ADK: variants seen among roughly 807,000 people sequenced by gnomAD.
ADK encodes the protein N6,N6-dimethyladenosine kinase.
Under a neutral mutation model 44.7 loss-of-function variants are expected in ADK, and 24 were observed. The ratio of observed to expected loss-of-function variants is 0.54; its 90% confidence interval spans 0.39 to 0.76. The LOEUF (loss-of-function observed/expected upper bound fraction) is 0.76. ADK is among the 30% of genes least tolerant of loss of function. The pLI is 0.00. For synonymous variants in ADK, 128 were observed against 142.6 expected, an observed-to-expected ratio of 0.90 and a Z score of 0.73; for missense variants, 321 against 425.1, an observed-to-expected ratio of 0.76 and a Z score of 2.15.
intron 1 of ADK, among the ~76,000 whole-genome samples, chr10:74,175,374 CAA>C (rs1224759058): frequency 2.9e-4 from 25 of 87,064 alleles, no homozygotes; most frequent in Admixed American, 4.7e-4. Context: ...GACTCCAGCT[CAA>C]AAAAAAAAAA....
intron 10 of ADK, among the ~76,000 whole-genome samples, chr10:74,696,888 G>T (rs1311236709): frequency 6.6e-6 from 1 of 152,062 alleles, no homozygotes; most frequent in Admixed American, 6.6e-5. Context: ...ATGGCTTCAG[G>T]CTTTATATAT....
rs1020974673 is a variant in ADK, at chr10:74,472,345, CT to C, written c.556-52903del. ...TGGGTTGAGGTGATTTCCTCTGTGC[CT>C]TTTTTTTATTTAATTATAAAAAGAT... On this transcript the variant is annotated intron_variant, in intron 6 of 10. Transcript: ENST00000539909. 5.4e-4 allele frequency among the ~76,000 whole-genome samples: 82 copies of C among 151,672 alleles called. 2 individuals carry two copies. Among genetic ancestry groups the C allele is most frequent in the Non-Finnish European group, 2.2e-4 (15 of 67,894 alleles).
At chr10:74,210,923 C>T (rs1843789327) in intron 2 of ADK, among the ~76,000 whole-genome samples, 1 of 152,006 alleles carries the variant, frequency 6.6e-6, no homozygotes, top group Non-Finnish European at 1.5e-5. Context: ...GTTTCACTGT[C>T]GCTCAGGCTG....
intron 3 of ADK, among the ~76,000 whole-genome samples, chr10:74,273,933 T>C (rs1846550066): frequency 6.6e-6 from 1 of 152,216 alleles, no homozygotes; most frequent in African/African-American, 2.4e-5. Context: ...GCATTTTTCT[T>C]AGGAGGTCTG....
rs200327115 is a variant in ADK, at chr10:74,358,943, G to GT, written c.274-35191dup. 5.4e-3 allele frequency among the ~76,000 whole-genome samples: 824 copies of GT among 152,024 alleles called. 13 individuals carry two copies. The highest frequency in any genetic ancestry group is 0.024 in the East Asian group (122 of 5,168). ...TAAGTTACAGTGACTAAAATCATAGGTTTTTTTAAGAGATTGGGGAGTCTC... is the reference window on the plus strand; with the variant it reads ...TAAGTTACAGTGACTAAAATCATAGGTTTTTTTTAAGAGATTGGGGAGTCTC... On this transcript the variant is annotated intron_variant, in intron 4 of 10. Transcript: ENST00000539909.
intron 9 of ADK, among the ~76,000 whole-genome samples, chr10:74,623,480 C>T (rs896017140): frequency 6.6e-5 from 10 of 152,028 alleles, no homozygotes; most frequent in South Asian, 2.1e-4. Context: ...TGATCTAGTC[C>T]GTACTTGCTT....
At chr10:74,558,266 T>C (rs746205986) in intron 7 of ADK, among the ~76,000 whole-genome samples, 23 of 152,194 alleles carry the variant, frequency 1.5e-4, no homozygotes, top group African/African-American at 2.7e-4. Context: ...GGCACGTTCA[T>C]AGCTCACTGC....
At chr10:74,509,198 T>C (rs1848200737) in intron 6 of ADK, among the ~76,000 whole-genome samples, 1 of 147,098 alleles carries the variant, frequency 6.8e-6, no homozygotes, top group South Asian at 2.1e-4. Flanking sequence ...ACATTATGAT[T>C]TTTTTTTTTT....
At chr10:74,587,300 A>G (rs1851562223) in intron 7 of ADK, among the ~76,000 whole-genome samples, 1 of 152,224 alleles carries the variant, frequency 6.6e-6, no homozygotes, top group Non-Finnish European at 1.5e-5. Flanking sequence ...CAAATTGACC[A>G]GTTGTCAAGA....
chr10:74,302,089 T>TG (rs11427369), intron 3 of ADK, among the ~76,000 whole-genome samples: 985 of 53,834 alleles, frequency 0.018, 121 homozygotes, highest in African/African-American at 0.074. Flanking sequence ...TTTTCTTTTC[T>TG]GTTTTTTTTT....
intron 7 of ADK, among the ~76,000 whole-genome samples, chr10:74,572,908 A>G (rs1436073693): frequency 6.6e-6 from 1 of 151,840 alleles, no homozygotes; most frequent in African/African-American, 2.4e-5. Context: ...ATTCATCTAA[A>G]TTTTTTTCAA....
At chr10:74,224,712 C>A in intron 3 of ADK, 121 bp downstream of exon 3, 1 of 784,052 alleles carries the variant, frequency 1.3e-6, no homozygotes, top group Non-Finnish European at 2.2e-6. Context: ...ACACTATGAC[C>A]TTAATCCTAA....
chr10:74,360,878 T>C (rs879362751), intron 4 of ADK, among the ~76,000 whole-genome samples: 3 of 152,156 alleles, frequency 2.0e-5, no homozygotes, highest in Non-Finnish European at 4.4e-5. Flanking sequence ...CTGGGTCTTG[T>C]TTTTAAAATC....
intron 9 of ADK, among the ~76,000 whole-genome samples, chr10:74,667,706 T>C (rs1855014156): frequency 1.3e-5 from 2 of 151,828 alleles, no homozygotes; most frequent in Admixed American, 1.3e-4. Flanking sequence ...CAAATTTTTT[T>C]TTGTATTTTT....
At chr10:74,189,553 A>G (rs1435264326) in intron 1 of ADK, among the ~76,000 whole-genome samples, 1 of 152,222 alleles carries the variant, frequency 6.6e-6, no homozygotes, top group Non-Finnish European at 1.5e-5. Context: ...TAATTTATCA[A>G]TTAGGTCAGA....
intron 9 of ADK, among the ~76,000 whole-genome samples, chr10:74,662,007 C>T (rs1197990642): frequency 6.6e-6 from 1 of 152,154 alleles, no homozygotes; most frequent in Admixed American, 6.5e-5. Context: ...TCAACAAATA[C>T]TTATTACCTG....
intron 6 of ADK, among the ~76,000 whole-genome samples, chr10:74,490,771 C>G (rs559725599): frequency 1.6e-4 from 24 of 152,106 alleles, no homozygotes; most frequent in African/African-American, 5.8e-4. Context: ...CTAATTTGTT[C>G]CTGGTAGAAT....
chr10:74,546,086 C>T (rs939746629), intron 7 of ADK, among the ~76,000 whole-genome samples: 44 of 152,202 alleles, frequency 2.9e-4, no homozygotes, highest in Non-Finnish European at 5.9e-4. Context: ...AACTTCACAT[C>T]TGTTATGCTG....
chr10:74,242,780 C>G (rs1845268721), intron 3 of ADK, among the ~76,000 whole-genome samples: 1 of 152,158 alleles, frequency 6.6e-6, no homozygotes, highest in South Asian at 2.1e-4. Context: ...CCTGTAAAGC[C>G]CCGGACTCAG....
Sources: gnomAD v4.1 joint callset for allele counts (sites outside exome capture counted in the v4.1 genomes callset) on GRCh38, gnomAD v4.1.1 for gene constraint, MANE v1.5 for transcripts, NCBI Gene and HGNC (gene_info 2026-07-23, HGNC 2026-07-21) for gene names.